The following NRXN1 variants were observed in gnomAD, a reference collection of about 807,000 sequenced individuals.
NRXN1 encodes the protein neurexin 1.
Under a neutral mutation model 150.9 loss-of-function variants are expected in NRXN1, and 39 were observed. That is an observed-to-expected ratio of 0.26 (90% CI 0.20 to 0.34). NRXN1 has a LOEUF of 0.34. Ranked by LOEUF, NRXN1 falls within the 10% of genes least tolerant of loss-of-function variation. The pLI is 1.00. For missense variants in NRXN1, 1,815 were observed against 1,949.9 expected (o/e 0.93, Z 1.30); for synonymous variants, 924 against 757.0 (o/e 1.22, Z -3.62).
intron 17 of NRXN1, among the ~76,000 whole-genome samples, chr2:50,329,619 A>ATG (rs1558536321): frequency 7.1e-5 from 1 of 14,120 alleles, no homozygotes; most frequent in African/African-American, 2.4e-4. Flanking sequence ...GTGTGTGTGT[A>ATG]TATATATATA....
At chr2:50,530,931 A>G (rs2093084953) in intron 11 of NRXN1, among the ~76,000 whole-genome samples, 1 of 152,216 alleles carries the variant, frequency 6.6e-6, no homozygotes, top group Non-Finnish European at 1.5e-5. Context: ...ATTCAGCTTG[A>G]GGCAACCTCA....
In NRXN1 at chr2:50,449,539, G is replaced by A. The variant is rs144873887; in HGVS notation, c.3364+15903C>T. Among the ~76,000 whole-genome samples, 8 of 152,230 alleles carry A rather than the reference G, an allele frequency of 5.3e-5. No homozygotes were observed. The East Asian group carries it at 1.2e-3, about 22-fold the overall frequency. On this transcript the variant is annotated intron_variant, in intron 17 of 22. Coordinates refer to ENST00000401669, the MANE Select transcript of NRXN1 (RefSeq NM_001330078.2). ...GCATATTCAGAGTCAGTAGGTGTGT[G>A]GGGGAGGGAAGGTCTGTGAGTTTGC...
At chr2:50,675,485 C>T (rs959339990) in intron 5 of NRXN1, among the ~76,000 whole-genome samples, 7 of 152,162 alleles carry the variant, frequency 4.6e-5, no homozygotes, top group African/African-American at 1.7e-4. Context: ...ACTTGGCTTG[C>T]TGTATAAATA....
Position 50,751,940 on chromosome 2 carries a change from A to C in NRXN1, c.833-128325T>G, listed in dbSNP as rs140159354. Among the ~76,000 whole-genome samples the C allele has an allele frequency of 5.3e-5, 8 of 151,904 alleles. No homozygotes were observed. The East Asian group carries it at 9.7e-4, about 19-fold the overall frequency. Reference sequence around the variant, plus strand: ...CTGTGTATCACCTAGCACAGTGCCTAGTGAACAGTAAGAATCAGGAAAGAG... The same window carrying C: ...CTGTGTATCACCTAGCACAGTGCCTCGTGAACAGTAAGAATCAGGAAAGAG... On this transcript the variant is annotated intron_variant, in intron 5 of 22. Transcript: ENST00000401669.
intron 17 of NRXN1, among the ~76,000 whole-genome samples, chr2:50,447,759 A>T (rs1235322643): frequency 9.0e-6 from 1 of 111,122 alleles, no homozygotes; most frequent in South Asian, 2.5e-4. Flanking sequence ...ATATATATAT[A>T]TATATATATA....
chr2:50,505,283 T>G (rs745454720), intron 13 of NRXN1, among the ~76,000 whole-genome samples: 2 of 152,128 alleles, frequency 1.3e-5, no homozygotes, highest in African/African-American at 2.4e-5. Flanking sequence ...CACATTCCAA[T>G]AAAACATAAT....
intron 21 of NRXN1, among the ~76,000 whole-genome samples, chr2:50,025,218 G>C (rs1688107374): frequency 6.6e-6 from 1 of 152,158 alleles, no homozygotes; most frequent in Non-Finnish European, 1.5e-5. Context: ...CACTACACCT[G>C]CGATGTTCCT....
chr2:50,093,414 G>A (rs1442305031), intron 18 of NRXN1, among the ~76,000 whole-genome samples: 1 of 150,934 alleles, frequency 6.6e-6, no homozygotes, highest in Non-Finnish European at 1.5e-5. Flanking sequence ...CCCAGGAGTT[G>A]GAGACCAGCC....
At chr2:50,711,160 G>A (rs1490600680) in intron 5 of NRXN1, among the ~76,000 whole-genome samples, 2 of 152,094 alleles carry the variant, frequency 1.3e-5, no homozygotes, top group East Asian at 3.9e-4. Flanking sequence ...CTACTGCAAG[G>A]CTCTATCTAA....
chr2:50,953,318 A>G (rs17572476), intron 2 of NRXN1, among the ~76,000 whole-genome samples: 32,986 of 152,184 alleles, frequency 0.22, 4,455 homozygotes, highest in Non-Finnish European at 0.3. Context: ...ATAATGCTTC[A>G]GAAGCCCATA....
chr2:50,178,605 T>G (rs548660446), intron 18 of NRXN1, among the ~76,000 whole-genome samples: 1 of 152,150 alleles, frequency 6.6e-6, no homozygotes, highest in Admixed American at 6.6e-5. Flanking sequence ...GGAATTTGGA[T>G]TACAAATGGT....
rs188506369 is a variant in NRXN1 at position 50,953,854 on chromosome 2, C to T, written c.773-27899G>A. Among the ~76,000 whole-genome samples, 3 of 152,206 alleles carry T rather than the reference C, an allele frequency of 2.0e-5. No homozygotes were observed. In the East Asian group the frequency reaches 5.8e-4, roughly 29 times the overall value. ...GAGATTAAAGGCATGAGCCACCACG[C>T]CCATTCTCAACTGACAAATATGAGT... On this transcript the variant is annotated intron_variant, in intron 2 of 22. Transcript: ENST00000401669.
At chr2:50,954,951 C>G (rs1404907806) in intron 2 of NRXN1, among the ~76,000 whole-genome samples, 1 of 152,026 alleles carries the variant, frequency 6.6e-6, no homozygotes, top group African/African-American at 2.4e-5. Flanking sequence ...ACAGATTTAG[C>G]CAAGAAGACC....
intron 5 of NRXN1, among the ~76,000 whole-genome samples, chr2:50,697,581 C>G (rs538347015): frequency 6.6e-6 from 1 of 152,174 alleles, no homozygotes; most frequent in Non-Finnish European, 1.5e-5. Flanking sequence ...CCTAACGCGA[C>G]ACTCCCCTGA....
chr2:50,290,705 T>C (rs1246790423), intron 17 of NRXN1, among the ~76,000 whole-genome samples: 3 of 152,128 alleles, frequency 2.0e-5, no homozygotes, highest in Non-Finnish European at 4.4e-5. Flanking sequence ...AATCACCTGT[T>C]GCTTTGGAGT....
At chr2:50,580,642 G>A (rs1365013173) in intron 8 of NRXN1, among the ~76,000 whole-genome samples, 2 of 152,146 alleles carry the variant, frequency 1.3e-5, no homozygotes, top group Non-Finnish European at 2.9e-5. Flanking sequence ...GAAAGTAGAG[G>A]GGTATATGCT....
intron 8 of NRXN1, among the ~76,000 whole-genome samples, chr2:50,575,218 T>A (rs1019412628): frequency 1.3e-5 from 2 of 152,210 alleles, no homozygotes; most frequent in Admixed American, 1.3e-4. Flanking sequence ...AAAGCACTCT[T>A]ATTGCAGATC....
chr2:50,543,051 ATAT>A, intron 9 of NRXN1, among the ~76,000 whole-genome samples: 1 of 152,272 alleles, frequency 6.6e-6, no homozygotes, highest in South Asian at 2.1e-4. Flanking sequence ...CAAACTCTAT[ATAT>A]CAATGGAAAA....
chr2:50,909,943 C>G (rs1478499376), intron 5 of NRXN1, among the ~76,000 whole-genome samples: 1 of 151,786 alleles, frequency 6.6e-6, no homozygotes, highest in Non-Finnish European at 1.5e-5. Flanking sequence ...AACATCTCAC[C>G]TTTGTTACTT....
Sources: allele counts gnomAD v4.1 joint callset (sites outside exome capture counted in the v4.1 genomes callset), GRCh38; gene constraint gnomAD v4.1.1; transcripts MANE v1.5; gene names NCBI Gene and HGNC (gene_info 2026-07-23, HGNC 2026-07-21).